The following XPR1 variants were observed in gnomAD, a reference collection of about 807,000 sequenced individuals.
The protein encoded by XPR1 is solute carrier family 53 member 1.
In XPR1, 28 loss-of-function variants were observed where a neutral mutation model predicts 87.5. That is an observed-to-expected ratio of 0.32 (90% confidence interval 0.24 to 0.44). XPR1 has a LOEUF of 0.44. Among genes scored for constraint, XPR1 ranks in the 20% least tolerant of loss-of-function variants. XPR1 has a pLI of 1.00. For synonymous variants in XPR1, 300 were observed against 306.1 expected (o/e 0.98, Z 0.21); for missense variants, 559 against 862.3 (o/e 0.65, Z 4.41).
chr1:180,802,582 T>A (rs1649828396), intron 3 of XPR1, among the ~76,000 whole-genome samples: 1 of 152,192 alleles, frequency 6.6e-6, no homozygotes, highest in Non-Finnish European at 1.5e-5. Flanking sequence ...AATTCCATGG[T>A]TTTTAGTGTA....
chr1:180,821,111 T>C (rs1333203442), intron 7 of XPR1, among the ~76,000 whole-genome samples: 1 of 152,194 alleles, frequency 6.6e-6, no homozygotes, highest in African/African-American at 2.4e-5. Flanking sequence ...TTGTGATACC[T>C]AAGAATCTAT....
rs188970739 is a variant in XPR1, at chr1:180,674,457, C to T, written c.70-7903C>T. Among the ~76,000 whole-genome samples the T allele has an allele frequency of 1.5e-3, 225 of 152,228 alleles. 1 individual carries two copies. Among genetic ancestry groups the T allele is most frequent in the African/African-American group, 5.1e-3 (213 of 41,548 alleles). On this transcript the variant is annotated intron_variant, in intron 1 of 14. Transcript: ENST00000367590. ...TATTTTTAGTAGAGACAAGGTTTCA[C>T]CATGTTGGCAAGGCTGGTCTTGAAC...
intron 2 of XPR1, among the ~76,000 whole-genome samples, chr1:180,693,962 T>A (rs1427529927): frequency 6.6e-6 from 1 of 152,160 alleles, no homozygotes; most frequent in Admixed American, 6.5e-5. Context: ...ATTTTTGTTG[T>A]TGTTGTTGTT....
intron 1 of XPR1, among the ~76,000 whole-genome samples, chr1:180,662,959 A>G (rs965894510): frequency 6.6e-6 from 1 of 152,182 alleles, no homozygotes; most frequent in Non-Finnish European, 1.5e-5. Flanking sequence ...CAACTCCAGA[A>G]TTTCTGCATG....
intron 2 of XPR1, among the ~76,000 whole-genome samples, chr1:180,766,659 T>A (rs1301377538): frequency 6.6e-6 from 1 of 152,168 alleles, no homozygotes; most frequent in South Asian, 2.1e-4. Context: ...TTCAGAGTTC[T>A]GGTGGCTTAA....
chr1:180,718,973 GTA>G (rs1658090033), intron 2 of XPR1, among the ~76,000 whole-genome samples: 1 of 152,138 alleles, frequency 6.6e-6, no homozygotes, highest in Non-Finnish European at 1.5e-5. Flanking sequence ...AGCCGGATCT[GTA>G]TGTTTTAAAG....
chr1:180,659,877 C>T (rs1191323105), intron 1 of XPR1, among the ~76,000 whole-genome samples: 5 of 152,132 alleles, frequency 3.3e-5, no homozygotes, highest in East Asian at 1.9e-4. Flanking sequence ...TAACTGACCT[C>T]ATAGAATGAG....
chr1:180,695,444 GCGCGCGCACGCGCGCGC>G lies in XPR1; in HGVS notation c.121+13034_121+13050del, dbSNP rs60101572. ...TGTGTGTGTGTGTGTGTGTGTGTAT[GCGCGCGCACGCGCGCGC>G]TTTTGTTGCCTGCGCTTTTGAAGTC... On this transcript the variant is annotated intron_variant, in intron 2 of 14. Coordinates refer to ENST00000367590, the MANE Select transcript of XPR1 (RefSeq NM_004736.4). Among the ~76,000 whole-genome samples, 3,112 of 151,446 alleles carry G rather than the reference GCGCGCGCACGCGCGCGC, an allele frequency of 0.021. 352 individuals are homozygous for G. The East Asian group carries it at 0.35, about 17-fold the overall frequency.
At chr1:180,743,349 C>G (rs1275517510) in intron 2 of XPR1, among the ~76,000 whole-genome samples, 1 of 151,736 alleles carries the variant, frequency 6.6e-6, no homozygotes, top group Admixed American at 6.6e-5. Flanking sequence ...TCACTTTAAA[C>G]AGTCTATTTA....
intron 2 of XPR1, among the ~76,000 whole-genome samples, chr1:180,750,303 G>C (rs939823765): frequency 1.3e-5 from 2 of 152,028 alleles, no homozygotes. Flanking sequence ...TTTTTTTCCA[G>C]CTCCCAAAGG....
intron 3 of XPR1, among the ~76,000 whole-genome samples, chr1:180,791,750 A>G (rs1045105796): frequency 1.3e-5 from 2 of 152,262 alleles, no homozygotes; most frequent in East Asian, 3.9e-4. Flanking sequence ...ATTGTTTTCT[A>G]TATTTTTCTA....
In XPR1 at chr1:180,674,730, G is replaced by C. The variant is rs181243998; in HGVS notation, c.70-7630G>C. On this transcript the variant is annotated intron_variant, in intron 1 of 14. Coordinates refer to ENST00000367590, the MANE Select transcript of XPR1 (RefSeq NM_004736.4). ...TTCATACACATTGTCTGACATCATA[G>C]CTCCCAGCCACTCTGTTATGCTTGT... Among the ~76,000 whole-genome samples the C allele has an allele frequency of 8.2e-4, 124 of 152,040 alleles. 1 individual carries two copies. Among genetic ancestry groups the C allele is most frequent in the Admixed American group, 1.3e-3 (20 of 15,276 alleles).
At chr1:180,861,905 G>A (rs1227681630) in intron 11 of XPR1, among the ~76,000 whole-genome samples, 2 of 152,034 alleles carry the variant, frequency 1.3e-5, no homozygotes, top group African/African-American at 4.8e-5. Context: ...AAGATGTACA[G>A]TAGCACAGCA....
intron 11 of XPR1, among the ~76,000 whole-genome samples, chr1:180,853,869 A>G (rs900715263): frequency 5.8e-5 from 8 of 136,952 alleles, no homozygotes; most frequent in African/African-American, 8.2e-5. Flanking sequence ...CTGTGGTGAT[A>G]TTACACACAA....
At chr1:180,837,149 A>G (rs1419630058) in intron 11 of XPR1, among the ~76,000 whole-genome samples, 1 of 152,176 alleles carries the variant, frequency 6.6e-6, no homozygotes, top group Non-Finnish European at 1.5e-5. Flanking sequence ...TTAACTGCAA[A>G]TTGAGTTCTC....
At chr1:180,693,257 T>C (rs1657050151) in intron 2 of XPR1, among the ~76,000 whole-genome samples, 2 of 152,154 alleles carry the variant, frequency 1.3e-5, no homozygotes, top group Admixed American at 1.3e-4. Flanking sequence ...TTGAGTTGTT[T>C]TCATTTTCTT....
Position 180,883,889 on chromosome 1 carries a change from G to T in XPR1, c.2031-117G>T. On this transcript the variant is annotated intron_variant, in intron 14 of 14. Transcript: ENST00000367590. ...AATAATCCGTCTGGTACAGCAGATAGTCCCTGTTTAGGATGTATGTTTAAT... is the reference window on the plus strand; with the variant it reads ...AATAATCCGTCTGGTACAGCAGATATTCCCTGTTTAGGATGTATGTTTAAT... 3.6e-6 allele frequency: 3 copies of T among 825,106 alleles called. No homozygotes were observed. In the East Asian group the frequency reaches 7.8e-5, roughly 21 times the overall value. 51.1% of individuals were successfully genotyped at this position (825,106 alleles called of 1,614,324 possible).
At chr1:180,658,404 G>C (rs575041013) in intron 1 of XPR1, among the ~76,000 whole-genome samples, 2 of 152,150 alleles carry the variant, frequency 1.3e-5, no homozygotes, top group Non-Finnish European at 2.9e-5. Flanking sequence ...TCCCCATTCA[G>C]TATAATACTA....
chr1:180,804,228 C>CA (rs1361962664), intron 4 of XPR1, among the ~76,000 whole-genome samples: 1 of 152,214 alleles, frequency 6.6e-6, no homozygotes, highest in Non-Finnish European at 1.5e-5. Context: ...CTGCCTGCCT[C>CA]AGCCTCCCGA....
Sources: allele counts gnomAD v4.1 joint callset (sites outside exome capture counted in the v4.1 genomes callset), GRCh38; gene constraint gnomAD v4.1.1; transcripts MANE v1.5; gene names NCBI Gene and HGNC (gene_info 2026-07-23, HGNC 2026-07-21).